The following MACROD2 variants were observed in gnomAD, a reference collection of about 807,000 sequenced individuals.
MACROD2 encodes mono-ADP ribosylhydrolase 2.
MACROD2 carries 36 observed loss-of-function variants against 70.4 expected under a neutral mutation model. That is an observed-to-expected ratio of 0.51 (90% CI 0.39 to 0.68). MACROD2 has a LOEUF of 0.68. Among genes scored for constraint, MACROD2 ranks in the 30% least tolerant of loss-of-function variants. The pLI, the probability that MACROD2 is intolerant of heterozygous loss-of-function variation, is 0.00. For synonymous variants in MACROD2, 172 were observed against 178.8 expected (o/e 0.96, Z 0.30); for missense variants, 496 against 538.4 (o/e 0.92, Z 0.78).
At chr20:15,275,581 C>T (rs1333200858) in intron 6 of MACROD2, among the ~76,000 whole-genome samples, 1 of 152,152 alleles carries the variant, frequency 6.6e-6, no homozygotes, top group Non-Finnish European at 1.5e-5. Context: ...GGTGATAGAT[C>T]CTCCTCTGTT....
intron 3 of MACROD2, among the ~76,000 whole-genome samples, chr20:14,439,741 A>G (rs2084100381): frequency 6.6e-6 from 1 of 152,214 alleles, no homozygotes; most frequent in South Asian, 2.1e-4. Context: ...AATCACTTAA[A>G]ACACTTAGAA....
At chr20:15,479,842 G>A (rs1192586360) in intron 7 of MACROD2, among the ~76,000 whole-genome samples, 1 of 152,128 alleles carries the variant, frequency 6.6e-6, no homozygotes, top group African/African-American at 2.4e-5. Context: ...TGGTGTTTGA[G>A]TAAATTAATT....
At chr20:14,075,213 A>C (rs910357712) in intron 2 of MACROD2, among the ~76,000 whole-genome samples, 1 of 152,218 alleles carries the variant, frequency 6.6e-6, no homozygotes, top group African/African-American at 2.4e-5. Context: ...CAAATTTTCT[A>C]TGCGTGAAAT....
intron 8 of MACROD2, among the ~76,000 whole-genome samples, chr20:15,646,937 A>G (rs768302292): frequency 2.6e-5 from 4 of 152,236 alleles, no homozygotes; most frequent in Non-Finnish European, 5.9e-5. Flanking sequence ...GCACAGACAT[A>G]GTGCAGCCTT....
At chr20:15,692,640 A>G (rs571285128) in intron 8 of MACROD2, among the ~76,000 whole-genome samples, 2 of 152,198 alleles carry the variant, frequency 1.3e-5, no homozygotes, top group South Asian at 4.2e-4. Flanking sequence ...GGGTGGTGGG[A>G]CCCACTTGGC....
chr20:14,493,588 A>G (rs2084818671), intron 4 of MACROD2, 80 bp downstream of exon 4: 1 of 1,170,076 alleles, frequency 8.5e-7, no homozygotes, highest in Non-Finnish European at 1.3e-6. Context: ...GTTCTGTGAC[A>G]CTTAAAAGAA....
chr20:14,470,351 G>A (rs933797771), intron 3 of MACROD2, among the ~76,000 whole-genome samples: 1 of 152,102 alleles, frequency 6.6e-6, no homozygotes, highest in African/African-American at 2.4e-5. Context: ...TCTCCTATAT[G>A]AGATGTCTGT....
At chr20:15,288,431 A>T (rs190257896) in intron 6 of MACROD2, among the ~76,000 whole-genome samples, 1 of 152,268 alleles carries the variant, frequency 6.6e-6, no homozygotes, top group Non-Finnish European at 1.5e-5. Context: ...TACCCACCTA[A>T]TTGGTAGAAC....
At chr20:15,334,446 G>T (rs956719087) in intron 6 of MACROD2, among the ~76,000 whole-genome samples, 2 of 151,646 alleles carry the variant, frequency 1.3e-5, no homozygotes, top group Non-Finnish European at 2.9e-5. Context: ...AGGTAGTTCT[G>T]ACTCAACCTC....
intron 8 of MACROD2, among the ~76,000 whole-genome samples, chr20:15,651,453 A>C (rs181041534): frequency 6.6e-6 from 1 of 152,296 alleles, no homozygotes; most frequent in African/African-American, 2.4e-5. Flanking sequence ...TAGGAAAGCT[A>C]TCAGGTTTGT....
At chr20:15,144,591 G>T (rs541048468) in intron 5 of MACROD2, among the ~76,000 whole-genome samples, 1 of 152,088 alleles carries the variant, frequency 6.6e-6, no homozygotes, top group Non-Finnish European at 1.5e-5. Flanking sequence ...GTATTTTGTT[G>T]CAAAAGGTGG....
chr20:14,292,454 T>C (rs780470922), intron 3 of MACROD2, among the ~76,000 whole-genome samples: 15 of 151,892 alleles, frequency 9.9e-5, no homozygotes, highest in Non-Finnish European at 2.1e-4. Context: ...TTGTCAGTAG[T>C]GCTAAGGTTG....
intron 12 of MACROD2, among the ~76,000 whole-genome samples, chr20:15,938,784 G>A (rs945920883): frequency 6.6e-6 from 1 of 152,164 alleles, no homozygotes; most frequent in African/African-American, 2.4e-5. Context: ...GAGATAGGCT[G>A]AAATCTAGGC....
chr20:15,592,064 T>C (rs1160633081), intron 8 of MACROD2, among the ~76,000 whole-genome samples: 1 of 152,190 alleles, frequency 6.6e-6, no homozygotes, highest in Non-Finnish European at 1.5e-5. Flanking sequence ...ACCTCTCACG[T>C]CTGACTTCTG....
intron 3 of MACROD2, chr20:14,329,271 C>T (rs2082791546): frequency 6.6e-6 from 1 of 152,050 alleles, no homozygotes; most frequent in African/African-American, 2.4e-5. Flanking sequence ...GAAAAGGAGG[C>T]ATACTAAATT....
At chr20:15,113,763 A>AGGGTGT (rs1555783990) in intron 5 of MACROD2, among the ~76,000 whole-genome samples, 1 of 144,160 alleles carries the variant, frequency 6.9e-6, no homozygotes, top group Non-Finnish European at 1.5e-5. Context: ...GTAGTCTTGA[A>AGGGTGT]GTGTGTGTGT....
At chr20:14,075,172 A>C (rs1276603485) in intron 2 of MACROD2, among the ~76,000 whole-genome samples, 4 of 152,194 alleles carry the variant, frequency 2.6e-5, no homozygotes, top group African/African-American at 9.7e-5. Flanking sequence ...GTACTCAAAA[A>C]AAAATCGTAT....
chr20:15,910,633 A>G, intron 10 of MACROD2, among the ~76,000 whole-genome samples: 1 of 152,206 alleles, frequency 6.6e-6, no homozygotes, highest in South Asian at 2.1e-4. Flanking sequence ...TGGTCACAAC[A>G]GAACGCAGAA....
At chr20:14,750,769 A>G (rs2071859567) in intron 5 of MACROD2, among the ~76,000 whole-genome samples, 1 of 152,050 alleles carries the variant, frequency 6.6e-6, no homozygotes, top group Non-Finnish European at 1.5e-5. Context: ...GTAACCAATT[A>G]TTTTAATTAA....
Sources: allele counts gnomAD v4.1 joint callset (sites outside exome capture counted in the v4.1 genomes callset), GRCh38; gene constraint gnomAD v4.1.1; transcripts MANE v1.5; gene names NCBI Gene and HGNC (gene_info 2026-07-23, HGNC 2026-07-21).